The following MALRD1 variants were observed in gnomAD, a reference collection of about 807,000 sequenced individuals.
MALRD1 encodes the protein MAM and LDL receptor class A domain containing 1.
A neutral mutation model predicts 242.1 loss-of-function variants in MALRD1; 247 were observed. The observed-to-expected ratio is 1.02, with a 90% CI of 0.92 to 1.13. The LOEUF is 1.13. MALRD1 is among the 50% of genes most tolerant of loss of function. The pLI is 0.00. For missense variants in MALRD1, 2,989 were observed against 2,533.1 expected (o/e 1.18, Z -3.86); for synonymous variants, 995 against 866.6 (o/e 1.15, Z -2.60).
At chr10:19,236,386 C>T (rs1336290474) in intron 18 of MALRD1, among the ~76,000 whole-genome samples, 2 of 152,240 alleles carry the variant, frequency 1.3e-5, no homozygotes, top group East Asian at 3.9e-4. Context: ...AGAGTTTATG[C>T]CCATGGGGCA....
intron 18 of MALRD1, among the ~76,000 whole-genome samples, chr10:19,256,038 C>T (rs965662217): frequency 3.3e-5 from 5 of 152,004 alleles, no homozygotes; most frequent in Non-Finnish European, 7.4e-5. Context: ...AGCTGGTTTC[C>T]AGCTACTTAT....
At chr10:19,477,172 T>C (rs898068248) in intron 29 of MALRD1, among the ~76,000 whole-genome samples, 1 of 152,170 alleles carries the variant, frequency 6.6e-6, no homozygotes, top group African/African-American at 2.4e-5. Context: ...ATATTTTACC[T>C]CATAAAAGGA....
chr10:19,486,040 T>C lies in MALRD1; in HGVS notation c.5030-5477T>C, dbSNP rs543922521. ...TATGATTACAAGTATTTAACCTAGT[T>C]ACAAAAAAATTTAAAAAGAAAAATG... On this transcript the variant is annotated intron_variant, in intron 29 of 39. Coordinates refer to ENST00000454679, the MANE Select transcript of MALRD1 (RefSeq NM_001142308.3). Among the ~76,000 whole-genome samples, 4 of 152,254 alleles carry C rather than the reference T, an allele frequency of 2.6e-5. No individual in the cohort carries two copies. In the South Asian group the frequency reaches 8.3e-4, roughly 32 times the overall value.
rs544847708 is a variant in MALRD1, at chr10:19,450,173, G to A, written c.4846-134G>A. 430 of 757,968 alleles carry A rather than the reference G, an allele frequency of 5.7e-4. 5 individuals carry two copies. The highest frequency in any genetic ancestry group is 5.4e-3 in the South Asian group (258 of 47,340). 47.0% of individuals were successfully genotyped at this position (757,968 alleles called of 1,614,324 possible). ...TCAATTTGTAAGATCACCTTTCACA[G>A]ATTCAGTGCTTCTTTGTTTTTTCAG... On this transcript the variant is annotated intron_variant, in intron 28 of 39. Coordinates refer to ENST00000454679, the MANE Select transcript of MALRD1 (RefSeq NM_001142308.3).
At chr10:19,485,224 G>A (rs879462327) in intron 29 of MALRD1, among the ~76,000 whole-genome samples, 8 of 152,168 alleles carry the variant, frequency 5.3e-5, no homozygotes, top group African/African-American at 9.7e-5. Context: ...TATCTGATGA[G>A]TGTAATGTAT....
chr10:19,441,229 T>A (rs1329537448), intron 28 of MALRD1, among the ~76,000 whole-genome samples: 5 of 152,232 alleles, frequency 3.3e-5, no homozygotes, highest in African/African-American at 9.6e-5. Context: ...CTTTGTAGAT[T>A]CTGGATATTA....
chr10:19,332,638 A>C (rs1232985963), intron 24 of MALRD1, among the ~76,000 whole-genome samples: 2 of 152,176 alleles, frequency 1.3e-5, no homozygotes, highest in Non-Finnish European at 2.9e-5. Context: ...TGCTTCTTGG[A>C]ACCAAACCTG....
intron 14 of MALRD1, among the ~76,000 whole-genome samples, chr10:19,176,587 G>A (rs1186958452): frequency 1.3e-5 from 2 of 149,982 alleles, no homozygotes; most frequent in South Asian, 4.2e-4. Context: ...TGTTAGCCAG[G>A]ATGGTCTCGA....
In MALRD1 at chr10:19,658,045, G is replaced by A. The variant is rs369527338; in HGVS notation, c.6138-34237G>A. ...TGCCTGTAATCCCAGCTACTCAGGA[G>A]GTTGAGGCAGGAGAATCTCTTGAAC... On this transcript the variant is annotated intron_variant, in intron 36 of 39. Coordinates refer to ENST00000454679, the MANE Select transcript of MALRD1 (RefSeq NM_001142308.3). 9.3e-4 allele frequency among the ~76,000 whole-genome samples: 141 copies of A among 152,154 alleles called. No individual in the cohort carries two copies. In the Middle Eastern group the frequency reaches 0.017, roughly 18 times the overall value.
chr10:19,400,033 A>G (rs1846764197), intron 28 of MALRD1, among the ~76,000 whole-genome samples: 1 of 152,188 alleles, frequency 6.6e-6, no homozygotes, highest in African/African-American at 2.4e-5. Flanking sequence ...CTGAGTTTCC[A>G]GCTCCTTCCC....
At chr10:19,324,770 G>A (rs1228665701) in intron 22 of MALRD1, among the ~76,000 whole-genome samples, 1 of 151,674 alleles carries the variant, frequency 6.6e-6, no homozygotes, top group Non-Finnish European at 1.5e-5. Flanking sequence ...AAAGCCCATA[G>A]CCAAGTCATT....
At chr10:19,322,218 A>G (rs867085687) in intron 21 of MALRD1, among the ~76,000 whole-genome samples, 7 of 152,108 alleles carry the variant, frequency 4.6e-5, no homozygotes, top group Non-Finnish European at 7.3e-5. Context: ...ATGTATCTGG[A>G]TGTATAAGTA....
intron 26 of MALRD1, among the ~76,000 whole-genome samples, chr10:19,378,545 A>G (rs929481364): frequency 1.3e-5 from 2 of 152,168 alleles, no homozygotes; most frequent in Non-Finnish European, 2.9e-5. Context: ...TGTGTGCCAG[A>G]TATTTCAGAA....
intron 18 of MALRD1, among the ~76,000 whole-genome samples, chr10:19,226,914 TTATAA>T (rs765116159): frequency 9.2e-5 from 14 of 152,028 alleles, no homozygotes; most frequent in Non-Finnish European, 1.9e-4. Flanking sequence ...GCAATTTAAC[TTATAA>T]TAGCCTCAAA....
At chr10:19,207,604 G>A (rs1319560935) in intron 17 of MALRD1, among the ~76,000 whole-genome samples, 3 of 152,048 alleles carry the variant, frequency 2.0e-5, no homozygotes, top group African/African-American at 7.2e-5. Flanking sequence ...GGGTTCAAGC[G>A]ATTCTCCTGC....
At chr10:19,453,508 T>C (rs897279159) in intron 29 of MALRD1, among the ~76,000 whole-genome samples, 1 of 152,198 alleles carries the variant, frequency 6.6e-6, no homozygotes, top group African/African-American at 2.4e-5. Context: ...TTATGGCATG[T>C]AAATTATAAA....
intron 28 of MALRD1, among the ~76,000 whole-genome samples, chr10:19,418,417 C>T (rs576522071): frequency 1.6e-4 from 25 of 152,158 alleles, no homozygotes; most frequent in South Asian, 6.2e-4. Flanking sequence ...TTTCAGCATA[C>T]GTTTTTTGGA....
At chr10:19,367,299 G>A (rs1281194707) in intron 26 of MALRD1, among the ~76,000 whole-genome samples, 1 of 151,870 alleles carries the variant, frequency 6.6e-6, no homozygotes, top group Non-Finnish European at 1.5e-5. Context: ...AGTATCCTCT[G>A]TTCTACTGTT....
chr10:19,202,763 G>A (rs533381900), intron 14 of MALRD1, among the ~76,000 whole-genome samples: 1 of 152,150 alleles, frequency 6.6e-6, no homozygotes, highest in South Asian at 2.1e-4. Flanking sequence ...TTCACACCAA[G>A]CAAATTCAGA....
Sources: gnomAD v4.1 joint callset for allele counts (sites outside exome capture counted in the v4.1 genomes callset) on GRCh38, gnomAD v4.1.1 for gene constraint, MANE v1.5 for transcripts, NCBI Gene and HGNC (gene_info 2026-07-23, HGNC 2026-07-21) for gene names.